The following GOLGA2 variants were observed in gnomAD, a reference collection of about 807,000 sequenced individuals.
GOLGA2 encodes the protein golgin subfamily A member 2.
GOLGA2 carries 49 observed loss-of-function variants against 148.8 expected under a neutral mutation model. The observed-to-expected ratio is 0.33, with a 90% CI of 0.26 to 0.42. The LOEUF is 0.42. GOLGA2 is among the 10% of genes least tolerant of loss of function. GOLGA2 has a pLI of 1.00. For missense variants in GOLGA2, 1,178 were observed against 1,304.6 expected, an observed-to-expected ratio of 0.90 and a Z score of 1.49; for synonymous variants, 501 against 511.8, an observed-to-expected ratio of 0.98 and a Z score of 0.28.
chr9:128,263,258 CTGTTGTTGT>C (rs1236739345), intron 12 of GOLGA2, among the ~76,000 whole-genome samples, 166 bp from the exon 13 acceptor site: 1 of 152,130 alleles, frequency 6.6e-6, no homozygotes, highest in Non-Finnish European at 1.5e-5. Flanking sequence ...TTTGTTGTTG[CTGTTGTTGT>C]TTTTGAGACA....
At chr9:128,275,112 T>A (rs952059375) in intron 1 of GOLGA2, among the ~76,000 whole-genome samples, 3 of 152,156 alleles carry the variant, frequency 2.0e-5, no homozygotes, top group Admixed American at 6.5e-5. Context: ...ATACTGCCAA[T>A]GTTTTCAGTT....
Position 128,260,132 on chromosome 9 carries a change from C to T in GOLGA2, c.1816G>A (p.Glu606Lys). Residue 606 changes from glutamate (E) to lysine (K), a missense_variant, in exon 19 of 27, where the codon GAG (glutamate) becomes AAG (lysine). This residue lies in a region of GOLGA2 where 529 missense variants were observed against 521.8 expected (regional missense o/e 1.01). Transcript: ENST00000611957. This position sits in a 1 kb window ranked among gnomAD's most constrained non-coding sequence, Gnocchi z 4.8. ...AGCTCGCCCAGCTTCTTTCCCAGCT[C>T]CCTCTTGACGTGCTGCTCCGACTGC... ...ALQSEQHVKR[E>K]LGKKLGELQE... The T allele has an allele frequency of 6.2e-7, 1 of 1,611,182 alleles. No individual in the cohort carries two copies.
chr9:128,275,629 CG>C, intron 1 of GOLGA2: 4 of 641,924 alleles, frequency 6.2e-6, no homozygotes, highest in Non-Finnish European at 9.7e-6. Flanking sequence ...GGTCGGACTT[CG>C]GGGGGCAGGA....
intron 19 of GOLGA2, 100 bp from the exon 20 acceptor site, chr9:128,259,491 T>TG: frequency 1.4e-6 from 1 of 723,222 alleles, no homozygotes; most frequent in East Asian, 2.7e-5. Context: ...CCCAGACCTC[T>TG]GGCCCCTTGC....
At position 128,266,472 on chromosome 9, in the gene GOLGA2, C is replaced by T. The variant is rs1830604310; in HGVS notation, c.643-147G>A. ...GGAACACGAACTGGTAAACTCTCCT[C>T]AGGCTCTCAAGGAAAGGGGATTTGT... On this transcript the variant is annotated intron_variant, in intron 8 of 26. Transcript: ENST00000611957. This position sits in a 1 kb window ranked among gnomAD's most constrained non-coding sequence, Gnocchi z 4.2. 1 of 677,734 alleles carries T rather than the reference C, an allele frequency of 1.5e-6. No individual in the cohort carries two copies. The highest frequency in any genetic ancestry group is 2.6e-5 in the Admixed American group (1 of 38,706). 42.0% of individuals were successfully genotyped at this position (677,734 alleles called of 1,614,324 possible). A position where few individuals can be genotyped will look rare whatever the true frequency, so the allele number is the denominator to read the frequency against.
chr9:128,258,017 G>A lies in GOLGA2; in HGVS notation c.2471C>T (p.Thr824Ile). ...GTGGDSVCGE[T>I]HRALQGAMEK... ...CATGGCCCCCTGCAGGGCCCGGTGG[G>A]TCTCCCCACACACAGAATCACCCCC... The change falls in exon 23 of 27, where the codon ACC becomes ATC. Residue 824 changes from threonine (T) to isoleucine (I), a missense_variant. Thr to Ile is a moderately conservative substitution (Grantham distance 89). This residue lies in a region of GOLGA2 where 529 missense variants were observed against 521.8 expected (regional missense o/e 1.01). Coordinates refer to ENST00000611957, the MANE Select transcript of GOLGA2 (RefSeq NM_001366244.2). The surrounding 1 kb of genome is among the most constrained non-coding windows in gnomAD (Gnocchi z 6.6). 6.2e-7 allele frequency: 1 copy of A among 1,610,536 alleles called. No individual in the cohort carries two copies. The highest frequency in any genetic ancestry group is 8.5e-7 in the Non-Finnish European group (1 of 1,178,210).
At chr9:128,263,198 T>C in intron 12 of GOLGA2, 106 bp from the exon 13 acceptor site, 1 of 754,054 alleles carries the variant, frequency 1.3e-6, no homozygotes, top group Non-Finnish European at 2.4e-6. Context: ...TTCCTCACTC[T>C]CAATCACACT....
At chr9:128,270,078 C>T (rs1047018556) in intron 3 of GOLGA2, among the ~76,000 whole-genome samples, 12 of 150,970 alleles carry the variant, frequency 7.9e-5, no homozygotes, top group East Asian at 3.9e-4. Context: ...CTGGCATCTT[C>T]GGTTCCCACT....
chr9:128,266,787 C>T lies in GOLGA2; in HGVS notation c.642+407G>A. 5.6e-6 allele frequency: 2 copies of T among 355,014 alleles called. No individual in the cohort carries two copies. The highest frequency in any genetic ancestry group is 1.0e-5 in the Non-Finnish European group (2 of 192,790). 22.0% of individuals were successfully genotyped at this position (355,014 alleles called of 1,614,324 possible). A position where few individuals can be genotyped will look rare whatever the true frequency, so the allele number is the denominator to read the frequency against. Reference sequence around the variant, plus strand: ...ATCTTGGACTCTCAGAGCTAAGAGACCTTTGATACTCTCTAACTCTACCTC... The same window carrying T: ...ATCTTGGACTCTCAGAGCTAAGAGATCTTTGATACTCTCTAACTCTACCTC... On this transcript the variant is annotated intron_variant, in intron 8 of 26. Transcript: ENST00000611957. This position sits in a 1 kb window ranked among gnomAD's most constrained non-coding sequence, Gnocchi z 4.2.
chr9:128,262,923 C>T, intron 13 of GOLGA2, 111 bp downstream of exon 13: 1 of 856,240 alleles, frequency 1.2e-6, no homozygotes, highest in Non-Finnish European at 2.0e-6. Context: ...GCTGGGCACA[C>T]ATGCACACCT....
chr9:128,268,239 A>G, intron 4 of GOLGA2, 79 bp from the exon 5 acceptor site: 1 of 1,294,448 alleles, frequency 7.7e-7, no homozygotes. Context: ...CAAGCTCCCA[A>G]ACTCATTCTA....
chr9:128,256,807 T>C lies in GOLGA2; in HGVS notation c.*260A>G, dbSNP rs146309658. 5 of 296,888 alleles carry C rather than the reference T, an allele frequency of 1.7e-5. No individual in the cohort carries two copies. Among genetic ancestry groups the C allele is most frequent in the Middle Eastern group, 9.5e-4 (1 of 1,056 alleles). The allele number at this position is 296,888 out of a possible 1,614,324, so 18.4% of individuals were successfully genotyped here. A position where few individuals can be genotyped will look rare whatever the true frequency, so the allele number is the denominator to read the frequency against. ...CTGCACCTGGCCTTTTTTCATAACT[T>C]TTATACCATAAGTTACCCATAACCT... On this transcript the variant is annotated 3_prime_UTR_variant, in exon 27 of 27. Transcript: ENST00000611957.
rs1424702632 is a variant in GOLGA2, at chr9:128,255,875, A to G, written c.*1192T>C. On this transcript the variant is annotated 3_prime_UTR_variant, in exon 27 of 27. Coordinates refer to ENST00000611957, the MANE Select transcript of GOLGA2 (RefSeq NM_001366244.2). ...CGAAATAAAAAGCAAAATAAACAGG[A>G]GTCGCATCACCAGGGCGCCACGACC... 6.6e-6 allele frequency: 1 copy of G among 152,596 alleles called. No homozygotes were observed. Among genetic ancestry groups the G allele is most frequent in the Non-Finnish European group, 1.5e-5 (1 of 68,064 alleles). 9.5% of individuals were successfully genotyped at this position (152,596 alleles called of 1,614,324 possible). A position where few individuals can be genotyped will look rare whatever the true frequency, so the allele number is the denominator to read the frequency against.
chr9:128,266,829 C>T lies in GOLGA2; in HGVS notation c.642+365G>A. The T allele has an allele frequency of 2.6e-6, 1 of 386,566 alleles. No individual in the cohort carries two copies. Among genetic ancestry groups the T allele is most frequent in the Non-Finnish European group, 4.7e-6 (1 of 210,784 alleles). The allele number at this position is 386,566 out of a possible 1,614,324, so 23.9% of individuals were successfully genotyped here. A position where few individuals can be genotyped will look rare whatever the true frequency, so the allele number is the denominator to read the frequency against. On this transcript the variant is annotated intron_variant, in intron 8 of 26. Transcript: ENST00000611957. The surrounding 1 kb of genome is among the most constrained non-coding windows in gnomAD (Gnocchi z 4.2). ...CTCTACCTCCTCAGGAAATGCAAGC[C>T]CAAGGAGGAGAGGTGGCTTGTCCCA...
At chr9:128,262,046 C>T (rs1830307131) in intron 14 of GOLGA2, 3 of 392,820 alleles carry the variant, frequency 7.6e-6, no homozygotes, top group South Asian at 5.9e-5. Flanking sequence ...TCTACAAATA[C>T]AAAAATTAGC....
In GOLGA2 at chr9:128,257,180, G is replaced by A. The variant is rs373027920; in HGVS notation, c.2977C>T (p.Leu993=). The stretch of plus-strand genomic sequence containing the variant: ...CGGGGGTTCTGCATCTCACGAAGCA[G>A]CTGCATGATCTGCTGTGCAGTGGGG... ...DNPTAQQIMQ[L]LREMQNPRER... is the part of the protein sequence containing the mutation. The change falls in exon 27 of 27, where the codon CTG becomes TTG. Residue 993 remains leucine (L), a synonymous_variant. Coordinates refer to ENST00000611957, the MANE Select transcript of GOLGA2 (RefSeq NM_001366244.2). This position sits in a 1 kb window ranked among gnomAD's most constrained non-coding sequence, Gnocchi z 8.0. 10 of 1,614,002 alleles carry A rather than the reference G, an allele frequency of 6.2e-6. No homozygotes were observed. In the African/African-American group the frequency reaches 1.3e-4, roughly 22 times the overall value.
rs142086295 is a variant in GOLGA2 at position 128,257,580 on chromosome 9, C to T, written c.2718+21G>A. ...CCATGCCCGTGCCCACCTCCACCCC[C>T]AGAGATGTTCCACACCCTACCTTCA... On this transcript the variant is annotated intron_variant, in intron 25 of 26. Transcript: ENST00000611957. This position sits in a 1 kb window ranked among gnomAD's most constrained non-coding sequence, Gnocchi z 8.0. 1.2e-3 allele frequency: 1,993 copies of T among 1,614,120 alleles called. 4 individuals carry two copies. The highest frequency in any genetic ancestry group is 1.2e-3 in the Non-Finnish European group (1,428 of 1,179,966).
intron 14 of GOLGA2, among the ~76,000 whole-genome samples, chr9:128,262,237 C>A (rs969320170): frequency 6.6e-6 from 1 of 150,970 alleles, no homozygotes; most frequent in Non-Finnish European, 1.5e-5. Context: ...AAAGTGTTGG[C>A]TTGAACCTCA....
chr9:128,272,192 C>G (rs1178623967), intron 3 of GOLGA2, among the ~76,000 whole-genome samples: 1 of 151,580 alleles, frequency 6.6e-6, no homozygotes, highest in Non-Finnish European at 1.5e-5. Context: ...GCCCAAATCC[C>G]AGAATCCCAG....
Sources: gnomAD v4.1 joint callset for allele counts (sites outside exome capture counted in the v4.1 genomes callset) on GRCh38, gnomAD v4.1.1 for gene constraint, gnomAD v4.1.1 regional missense constraint, Gnocchi (gnomAD v3.1) non-coding constraint, MANE v1.5 for transcripts, NCBI Gene and HGNC (gene_info 2026-07-23, HGNC 2026-07-21) for gene names.